MAGI2: variants seen among roughly 807,000 people sequenced by gnomAD.
MAGI2 encodes the protein membrane-associated guanylate kinase, WW and PDZ domain-containing protein 2.
MAGI2 carries 35 observed loss-of-function variants against 133.3 expected under a neutral mutation model. The observed-to-expected ratio is 0.26, with a 90% CI of 0.20 to 0.35. The LOEUF is 0.35. Among genes scored for constraint, MAGI2 ranks in the 10% least tolerant of loss-of-function variants. The probability of loss-of-function intolerance (pLI) is 1.00; values close to 1 mark genes in which losing one functional copy is unlikely to be tolerated. For missense variants in MAGI2, 1,636 were observed against 1,863.4 expected, an observed-to-expected ratio of 0.88 and a Z score of 2.25; for synonymous variants, 729 against 710.6, an observed-to-expected ratio of 1.03 and a Z score of -0.41.
chr7:78,121,865 T>G (rs1050106487), intron 20 of MAGI2, among the ~76,000 whole-genome samples: 4 of 152,230 alleles, frequency 2.6e-5, no homozygotes, highest in Admixed American at 2.0e-4. Context: ...TAGATAATTA[T>G]TATAGGTTGT....
chr7:78,212,841 C>T (rs1311765429), intron 10 of MAGI2, among the ~76,000 whole-genome samples: 2 of 152,136 alleles, frequency 1.3e-5, no homozygotes, highest in African/African-American at 2.4e-5. Context: ...CTGCCACACC[C>T]GGTTAACTTT....
intron 1 of MAGI2, among the ~76,000 whole-genome samples, chr7:79,344,729 TGTA>T (rs1462891816): frequency 2.0e-5 from 3 of 152,132 alleles, no homozygotes; most frequent in African/African-American, 7.2e-5. Flanking sequence ...GAACTTGCGT[TGTA>T]CCTTGAGGGT....
At chr7:78,189,263 G>A (rs535252824) in intron 12 of MAGI2, among the ~76,000 whole-genome samples, 19 of 152,200 alleles carry the variant, frequency 1.2e-4, no homozygotes, top group South Asian at 4.1e-4. Flanking sequence ...ATAACTGTCC[G>A]TTTTTGATCT....
intron 6 of MAGI2, among the ~76,000 whole-genome samples, chr7:78,417,493 C>T (rs1395069756): frequency 1.3e-5 from 2 of 152,038 alleles, no homozygotes; most frequent in East Asian, 3.9e-4. Context: ...CAATCTTTTA[C>T]TTAGTAACTA....
chr7:78,735,519 T>C (rs960342470), intron 2 of MAGI2, among the ~76,000 whole-genome samples: 3 of 152,236 alleles, frequency 2.0e-5, no homozygotes, highest in African/African-American at 7.2e-5. Context: ...AACATTGGCA[T>C]TGGTTTTCCT....
At chr7:78,358,464 G>A (rs13246224) in intron 7 of MAGI2, 49,378 of 153,940 alleles carry the variant, frequency 0.32, 8,436 homozygotes, top group East Asian at 0.56. Flanking sequence ...GCCTTCCTCT[G>A]CAAGCAGATG....
intron 2 of MAGI2, among the ~76,000 whole-genome samples, chr7:78,769,222 C>T (rs1021042795): frequency 6.6e-6 from 1 of 151,802 alleles, no homozygotes; most frequent in Non-Finnish European, 1.5e-5. Context: ...AAAAACACAG[C>T]TTTTTACTTT....
At chr7:78,912,811 T>A (rs967491294) in intron 2 of MAGI2, among the ~76,000 whole-genome samples, 1 of 141,002 alleles carries the variant, frequency 7.1e-6, no homozygotes, top group African/African-American at 2.8e-5. Context: ...TATATATATA[T>A]ATCATTCATA....
chr7:78,434,909 G>C (rs1800135018), intron 6 of MAGI2, among the ~76,000 whole-genome samples: 1 of 152,126 alleles, frequency 6.6e-6, no homozygotes, highest in African/African-American at 2.4e-5. Context: ...GTTGCTGGCT[G>C]GCTGGCTGGC....
chr7:78,741,366 A>G (rs1272792132), intron 2 of MAGI2, among the ~76,000 whole-genome samples: 1 of 136,074 alleles, frequency 7.3e-6, no homozygotes, highest in Non-Finnish European at 1.6e-5. Context: ...GAATAGAAGA[A>G]AAAAGTTGAA....
chr7:79,194,162 G>A (rs991636402), intron 1 of MAGI2, among the ~76,000 whole-genome samples: 4 of 151,836 alleles, frequency 2.6e-5, no homozygotes, highest in African/African-American at 9.7e-5. Flanking sequence ...AAAATGTGGA[G>A]AAATTATTTT....
chr7:79,239,254 C>A (rs1049102827), intron 1 of MAGI2, among the ~76,000 whole-genome samples: 2 of 152,080 alleles, frequency 1.3e-5, no homozygotes, highest in African/African-American at 4.8e-5. Flanking sequence ...AGAAAAGTGG[C>A]TAATGCATTT....
At chr7:78,265,460 A>T (rs1288044544) in intron 9 of MAGI2, among the ~76,000 whole-genome samples, 2 of 152,234 alleles carry the variant, frequency 1.3e-5, no homozygotes, top group Non-Finnish European at 2.9e-5. Context: ...TCTCTAAAGA[A>T]TGTAGTGAAT....
intron 2 of MAGI2, among the ~76,000 whole-genome samples, chr7:78,809,780 C>T (rs548485649): frequency 7.7e-4 from 117 of 152,136 alleles, no homozygotes; most frequent in African/African-American, 2.8e-3. Flanking sequence ...ACAACAATTT[C>T]CAGAATAATC....
intron 1 of MAGI2, among the ~76,000 whole-genome samples, chr7:79,251,990 T>C (rs1833315449): frequency 6.6e-6 from 1 of 151,622 alleles, no homozygotes; most frequent in African/African-American, 2.4e-5. Context: ...AACCTCATCT[T>C]TACTAAAAAT....
At chr7:78,800,623 CT>C (rs1377564280) in intron 2 of MAGI2, among the ~76,000 whole-genome samples, 2 of 152,038 alleles carry the variant, frequency 1.3e-5, no homozygotes, top group East Asian at 3.9e-4. Context: ...TACATTTTTT[CT>C]TATTTTTAAC....
intron 6 of MAGI2, among the ~76,000 whole-genome samples, chr7:78,458,309 A>AG (rs55738751): frequency 6.7e-6 from 1 of 149,512 alleles, no homozygotes; most frequent in Non-Finnish European, 1.5e-5. Flanking sequence ...AAAAAAAAAA[A>AG]GAATAAAAGA....
chr7:78,178,381 C>G (rs1386900889), intron 13 of MAGI2, among the ~76,000 whole-genome samples: 1 of 152,042 alleles, frequency 6.6e-6, no homozygotes, highest in Non-Finnish European at 1.5e-5. Context: ...AAAATTGATG[C>G]CTTTATAATT....
intron 10 of MAGI2, chr7:78,252,643 A>AG (rs1168301428): frequency 1.3e-5 from 2 of 151,828 alleles, no homozygotes; most frequent in Non-Finnish European, 2.9e-5. Flanking sequence ...GATCCATATA[A>AG]GAAAAAAAAA....
Sources: allele counts gnomAD v4.1 joint callset (sites outside exome capture counted in the v4.1 genomes callset), GRCh38; gene constraint gnomAD v4.1.1; transcripts MANE v1.5; gene names NCBI Gene and HGNC (gene_info 2026-07-23, HGNC 2026-07-21).